The following GRM1 variants were observed in gnomAD, a reference collection of about 807,000 sequenced individuals.
GRM1 encodes the protein glutamate metabotropic receptor 1.
In GRM1, 33 loss-of-function variants were observed where a neutral mutation model predicts 90.9. The observed-to-expected ratio is 0.36, with a 90% CI of 0.28 to 0.49. GRM1 has a LOEUF of 0.49. Ranked by LOEUF, GRM1 falls within the 20% of genes least tolerant of loss-of-function variation. The pLI, the probability that GRM1 is intolerant of heterozygous loss-of-function variation, is 0.99. For missense variants in GRM1, 1,190 were observed against 1,534.3 expected (o/e 0.78, Z 3.75); for synonymous variants, 700 against 613.2 (o/e 1.14, Z -2.09).
chr6:146,223,707 G>A (rs1294843929), intron 2 of GRM1, among the ~76,000 whole-genome samples: 3 of 151,866 alleles, frequency 2.0e-5, no homozygotes, highest in African/African-American at 4.8e-5. Context: ...TAGCATCAAC[G>A]GAATACCCTT....
intron 1 of GRM1, among the ~76,000 whole-genome samples, chr6:146,041,679 C>T (rs929611793): frequency 6.6e-6 from 1 of 151,938 alleles, no homozygotes; most frequent in Non-Finnish European, 1.5e-5. Flanking sequence ...TTGTCTTCTG[C>T]TCACAATTTT....
chr6:146,102,596 C>T (rs1480874355), intron 1 of GRM1, among the ~76,000 whole-genome samples: 1 of 152,322 alleles, frequency 6.6e-6, no homozygotes, highest in African/African-American at 2.4e-5. Context: ...TGACCCATCT[C>T]CTGGTGCTGT....
In GRM1 at chr6:146,409,613, G is replaced by A. The variant is rs72501706; in HGVS notation, c.2660+9914G>A. Among the ~76,000 whole-genome samples the A allele has an allele frequency of 5.5e-4, 83 of 152,084 alleles. 1 individual carries two copies. In the East Asian group the frequency reaches 0.012, roughly 22 times the overall value. On this transcript the variant is annotated intron_variant, in intron 7 of 7. Transcript: ENST00000282753. Reference sequence around the variant, plus strand: ...GTCTTATAAAGAAAATAGATCATTAGGACATTGTCTTCTGAGTTAATAAAA... The same window carrying A: ...GTCTTATAAAGAAAATAGATCATTAAGACATTGTCTTCTGAGTTAATAAAA...
chr6:146,281,238 T>C (rs1052931201), intron 2 of GRM1, among the ~76,000 whole-genome samples: 28 of 152,206 alleles, frequency 1.8e-4, no homozygotes, highest in African/African-American at 6.8e-4. Context: ...CTTTTATGAC[T>C]GGTGTAACAG....
chr6:146,430,492 G>T (rs937969516), intron 7 of GRM1, among the ~76,000 whole-genome samples: 3 of 152,160 alleles, frequency 2.0e-5, no homozygotes, highest in Non-Finnish European at 4.4e-5. Flanking sequence ...CAATTATGTG[G>T]TGTTTTCTAA....
chr6:146,352,623 A>G, intron 4 of GRM1, 127 bp downstream of exon 4: 1 of 889,408 alleles, frequency 1.1e-6, no homozygotes, highest in East Asian at 2.4e-5. Flanking sequence ...TAGGTAGCAA[A>G]AAGTCCAGGG....
intron 2 of GRM1, among the ~76,000 whole-genome samples, chr6:146,184,422 A>G (rs1402957217): frequency 1.3e-5 from 2 of 152,002 alleles, no homozygotes; most frequent in African/African-American, 2.4e-5. Context: ...GTGGCTGATA[A>G]GTTTTTTCTG....
At chr6:146,416,716 G>A (rs1346313112) in intron 7 of GRM1, among the ~76,000 whole-genome samples, 2 of 152,062 alleles carry the variant, frequency 1.3e-5, no homozygotes, top group Non-Finnish European at 2.9e-5. Flanking sequence ...GCTTCACCTG[G>A]TGCATCCTGT....
chr6:146,122,839 C>CTTTTTTTTTTTTTTTT (rs57859188), intron 1 of GRM1, among the ~76,000 whole-genome samples: 83 of 62,196 alleles, frequency 1.3e-3, no homozygotes, highest in Non-Finnish European at 1.6e-3. Context: ...TCTTTTCTTT[C>CTTTTTTTTTTTTTTTT]TTTTTTTTTT....
At chr6:146,259,816 A>G (rs1781618219) in intron 2 of GRM1, among the ~76,000 whole-genome samples, 1 of 151,976 alleles carries the variant, frequency 6.6e-6, no homozygotes, top group South Asian at 2.1e-4. Context: ...ATATATAACC[A>G]AAGGTGGAAT....
At chr6:146,157,283 G>A (rs1249670571) in intron 1 of GRM1, among the ~76,000 whole-genome samples, 1 of 152,158 alleles carries the variant, frequency 6.6e-6, no homozygotes, top group Non-Finnish European at 1.5e-5. Flanking sequence ...AGGAGGGTAT[G>A]GCCAACTGTT....
intron 2 of GRM1, chr6:146,159,872 T>G: frequency 2.7e-6 from 1 of 372,130 alleles, no homozygotes; most frequent in South Asian, 2.9e-5. Flanking sequence ...CTATGATTGG[T>G]GCCACTGCAT....
chr6:146,208,587 A>T (rs773863811), intron 2 of GRM1, among the ~76,000 whole-genome samples: 1 of 152,086 alleles, frequency 6.6e-6, no homozygotes, highest in Non-Finnish European at 1.5e-5. Flanking sequence ...CATTCTACTC[A>T]TGTCGGGGTC....
intron 1 of GRM1, among the ~76,000 whole-genome samples, chr6:146,056,740 T>A (rs950164773): frequency 3.3e-5 from 5 of 152,166 alleles, no homozygotes; most frequent in African/African-American, 1.2e-4. Context: ...ATTTTCGTTT[T>A]CACTGTGAAC....
chr6:146,044,243 T>C (rs983447791), intron 1 of GRM1, among the ~76,000 whole-genome samples: 1 of 151,952 alleles, frequency 6.6e-6, no homozygotes, highest in African/African-American at 2.4e-5. Context: ...GTTTTCCCCT[T>C]TTCTCATGTT....
At position 146,030,160 on chromosome 6, in the gene GRM1, A is replaced by G. The variant is rs1383162955; in HGVS notation, c.643A>G (p.Met215Val). 6.2e-7 allele frequency: 1 copy of G among 1,614,110 alleles called. No individual in the cohort carries two copies. The highest frequency in any genetic ancestry group is 8.5e-7 in the Non-Finnish European group (1 of 1,179,958). Reference sequence around the variant, plus strand: ...TTCTGACACTTTGCAGGCAAGGGCCATGCTTGACATAGTCAAACGTTACAA... The same window carrying G: ...TTCTGACACTTTGCAGGCAAGGGCCGTGCTTGACATAGTCAAACGTTACAA... The part of the protein sequence containing the change: ...VPSDTLQARA[M>V]LDIVKRYNWT... The change falls in exon 1 of 8, where the codon ATG (methionine) becomes GTG (valine). Residue 215 changes from methionine (M) to valine (V), a missense_variant. Met to Val is a conservative substitution (Grantham distance 21, BLOSUM62 1). This residue lies in a region of GRM1 where 46 missense variants were observed against 116.1 expected (regional missense o/e 0.40). Coordinates refer to ENST00000282753, the MANE Select transcript of GRM1 (RefSeq NM_001278064.2).
chr6:146,120,350 G>T (rs559482927), intron 1 of GRM1, among the ~76,000 whole-genome samples: 136 of 152,188 alleles, frequency 8.9e-4, no homozygotes, highest in Non-Finnish European at 1.7e-3. Context: ...GAGACGATGG[G>T]GTTTTCTAGA....
intron 1 of GRM1, among the ~76,000 whole-genome samples, chr6:146,090,106 A>T (rs1214090288): frequency 2.0e-5 from 3 of 152,108 alleles, no homozygotes; most frequent in African/African-American, 7.2e-5. Flanking sequence ...AATTTTTGTT[A>T]ATAGCATCCA....
chr6:146,161,200 G>A (rs1420073745), intron 2 of GRM1, among the ~76,000 whole-genome samples: 1 of 152,098 alleles, frequency 6.6e-6, no homozygotes, highest in African/African-American at 2.4e-5. Context: ...ACAGTAGTCT[G>A]TTTTGCAGAA....
Sources: allele counts gnomAD v4.1 joint callset (sites outside exome capture counted in the v4.1 genomes callset), GRCh38; gene constraint gnomAD v4.1.1; regional missense constraint gnomAD v4.1.1; transcripts MANE v1.5; gene names NCBI Gene and HGNC (gene_info 2026-07-23, HGNC 2026-07-21).